Variants in EZH1 observed in about 807,000 individuals in gnomAD.
EZH1 encodes histone-lysine N-methyltransferase EZH1.
A neutral mutation model predicts 100.5 loss-of-function variants in EZH1; 33 were observed. That is an observed-to-expected ratio of 0.33 (90% CI 0.25 to 0.44). The LOEUF is 0.44. Among genes scored for constraint, EZH1 ranks in the 20% least tolerant of loss-of-function variants. The pLI is 1.00. For missense variants in EZH1, 475 were observed against 928.4 expected (o/e 0.51, Z 6.35); for synonymous variants, 272 against 313.8 (o/e 0.87, Z 1.41).
chr17:42,707,898 C>T, intron 15 of EZH1, 60 bp downstream of exon 15: 2 of 1,608,896 alleles, frequency 1.2e-6, no homozygotes, highest in South Asian at 1.1e-5. Flanking sequence ...ATGGGGCAAG[C>T]CTAGGGCACA....
Position 42,702,459 on chromosome 17 carries a change from G to C in EZH1, c.*73C>G. ...GTGGGAGACACAGTGCAGGAGACTCGAGCAGCAGTGGTGTGAGCACGAAAG... is the reference window on the plus strand; with the variant it reads ...GTGGGAGACACAGTGCAGGAGACTCCAGCAGCAGTGGTGTGAGCACGAAAG... On this transcript the variant is annotated 3_prime_UTR_variant, in exon 21 of 21. Transcript: ENST00000428826. 1.6e-6 allele frequency: 2 copies of C among 1,284,940 alleles called. No homozygotes were observed. The highest frequency in any genetic ancestry group is 2.1e-5 in the Admixed American group (1 of 48,518). The allele number at this position is 1,284,940 out of a possible 1,614,324, so 79.6% of individuals were successfully genotyped here.
intron 3 of EZH1, among the ~76,000 whole-genome samples, chr17:42,728,560 T>C (rs1304016094): frequency 6.6e-6 from 1 of 150,662 alleles, no homozygotes; most frequent in Non-Finnish European, 1.5e-5. Flanking sequence ...GCTAACATGG[T>C]GAAACCCCAT....
intron 6 of EZH1, among the ~76,000 whole-genome samples, 167 bp downstream of exon 6, chr17:42,722,625 CAAA>C (rs11298431): frequency 1.5e-4 from 16 of 104,102 alleles, no homozygotes; most frequent in Admixed American, 3.4e-4. Flanking sequence ...AACTCCGTCT[CAAA>C]AAAAAAAAAA....
chr17:42,722,655 C>G (rs1158018813), intron 6 of EZH1, 140 bp downstream of exon 6: 2 of 785,794 alleles, frequency 2.5e-6, no homozygotes, highest in Admixed American at 6.3e-5. Context: ...AATTAACTCC[C>G]AGCCATGTGA....
chr17:42,702,727 C>A, intron 20 of EZH1, 135 bp from the exon 21 acceptor site: 1 of 1,252,638 alleles, frequency 8.0e-7, no homozygotes, highest in Non-Finnish European at 1.2e-6. Context: ...TGAGGCAAGG[C>A]ACCAGATATC....
intron 17 of EZH1, 66 bp from the exon 18 acceptor site, chr17:42,704,749 C>CTTTCTGGGGGCAGGGTA: frequency 2.3e-6 from 3 of 1,312,048 alleles, no homozygotes; most frequent in Non-Finnish European, 3.2e-6. Flanking sequence ...GTACCCTGCC[C>CTTTCTGGGGGCAGGGTA]CCAGAAAGGG....
intron 1 of EZH1, among the ~76,000 whole-genome samples, chr17:42,743,440 G>A (rs2054215968): frequency 6.6e-6 from 1 of 151,410 alleles, no homozygotes; most frequent in Non-Finnish European, 1.5e-5. Context: ...CAAAGTGTTG[G>A]GATTACAGGC....
In EZH1 at chr17:42,720,466, C is replaced by T. The variant is rs2053683776; in HGVS notation, c.488-17G>A. 5 of 1,598,250 alleles carry T rather than the reference C, an allele frequency of 3.1e-6. No homozygotes were observed. Among genetic ancestry groups the T allele is most frequent in the South Asian group, 1.1e-5 (1 of 88,460 alleles). On this transcript the variant is annotated splice_polypyrimidine_tract_variant and intron_variant, in intron 6 of 20. Coordinates refer to ENST00000428826, the MANE Select transcript of EZH1 (RefSeq NM_001991.5). ...GGATCATCTCTGAAACATGAGGATT[C>T]GAAAGATGAGCAGTGGTCACTTCAC...
chr17:42,718,721 G>C lies in EZH1; in HGVS notation c.768-104C>G. On this transcript the variant is annotated intron_variant, in intron 8 of 20. Coordinates refer to ENST00000428826, the MANE Select transcript of EZH1 (RefSeq NM_001991.5). The surrounding 1 kb of genome is among the most constrained non-coding windows in gnomAD (Gnocchi z 4.2). ...GCTCACCTACGGTCTGCCAAGGGAG[G>C]ATGGGTGTTTTTTATAGGTCTGGTT... The C allele has an allele frequency of 8.2e-7, 1 of 1,219,686 alleles. No homozygotes were observed. The highest frequency in any genetic ancestry group is 1.4e-5 in the South Asian group (1 of 71,866). 75.6% of individuals were successfully genotyped at this position (1,219,686 alleles called of 1,614,324 possible). A position where few individuals can be genotyped will look rare whatever the true frequency, so the allele number is the denominator to read the frequency against.
chr17:42,734,273 C>CA (rs1441709181), intron 1 of EZH1, among the ~76,000 whole-genome samples: 1 of 152,034 alleles, frequency 6.6e-6, no homozygotes, highest in East Asian at 1.9e-4. Flanking sequence ...CTCCTGGCCT[C>CA]AAGTGATCTG....
At chr17:42,704,200 G>C (rs73983748) in intron 18 of EZH1, among the ~76,000 whole-genome samples, 4 of 152,056 alleles carry the variant, frequency 2.6e-5, no homozygotes, top group Non-Finnish European at 5.9e-5. Context: ...TGGAAGATTC[G>C]GAGCTGATCT....
At chr17:42,742,475 C>A (rs1201554612) in intron 1 of EZH1, among the ~76,000 whole-genome samples, 18 of 152,056 alleles carry the variant, frequency 1.2e-4, no homozygotes, top group Non-Finnish European at 4.4e-5. Flanking sequence ...CTAATGTAAC[C>A]ATCATAATGA....
At chr17:42,702,788 A>G (rs752068612) in intron 20 of EZH1, 89 bp downstream of exon 20, 4 of 1,435,604 alleles carry the variant, frequency 2.8e-6, no homozygotes, top group Non-Finnish European at 3.9e-6. Context: ...CTCCATCTCC[A>G]TTACCCTCCC....
chr17:42,714,989 A>C (rs111341427), intron 10 of EZH1, among the ~76,000 whole-genome samples: 287 of 138,552 alleles, frequency 2.1e-3, no homozygotes, highest in African/African-American at 7.2e-3. Flanking sequence ...AAATATATTT[A>C]TATATAATTT....
Position 42,724,612 on chromosome 17 carries a change from T to A in EZH1, c.247-188A>T, listed in dbSNP as rs2053781012. The A allele has an allele frequency of 7.9e-5, 40 of 504,924 alleles. 1 individual carries two copies. The South Asian group carries it at 8.1e-4, about 10-fold the overall frequency. The allele number at this position is 504,924 out of a possible 1,614,324, so 31.3% of individuals were successfully genotyped here. On this transcript the variant is annotated intron_variant, in intron 4 of 20. Transcript: ENST00000428826. ...GCCAGGCCAACATGGTGAAACCCCA[T>A]CTCTACAAAAACATAATACAAAAAT...
In EZH1 at chr17:42,730,867, G is replaced by A. The variant is rs189538266; in HGVS notation, c.-51C>T. 2.0e-5 allele frequency: 20 copies of A among 985,484 alleles called. No individual in the cohort carries two copies. Among genetic ancestry groups the A allele is most frequent in the South Asian group, 1.9e-4 (4 of 21,288 alleles). 61.0% of individuals were successfully genotyped at this position (985,484 alleles called of 1,614,324 possible). ...GGGGAAGTGTTGGGTTTTACAGTGT[G>A]CCTCTGTTCTTCAGGAGAATGGCAG... On this transcript the variant is annotated 5_prime_UTR_variant, in exon 2 of 21. Coordinates refer to ENST00000428826, the MANE Select transcript of EZH1 (RefSeq NM_001991.5).
At chr17:42,740,136 C>T (rs1036781105) in intron 1 of EZH1, among the ~76,000 whole-genome samples, 8 of 152,176 alleles carry the variant, frequency 5.3e-5, no homozygotes, top group African/African-American at 9.7e-5. Flanking sequence ...GCACTTCGAC[C>T]TCCCAGGCTC....
At chr17:42,733,438 G>A (rs2053995882) in intron 1 of EZH1, among the ~76,000 whole-genome samples, 1 of 151,630 alleles carries the variant, frequency 6.6e-6, no homozygotes, top group South Asian at 2.1e-4. Context: ...TCAGGAGATC[G>A]AGACCATCCT....
intron 1 of EZH1, among the ~76,000 whole-genome samples, chr17:42,732,416 T>A (rs1050783017): frequency 3.3e-5 from 5 of 151,976 alleles, no homozygotes; most frequent in Non-Finnish European, 5.9e-5. Context: ...GAGGATAGCC[T>A]GAGCTCAGGA....
Sources: allele counts gnomAD v4.1 joint callset (sites outside exome capture counted in the v4.1 genomes callset), GRCh38; gene constraint gnomAD v4.1.1; non-coding constraint Gnocchi (gnomAD v3.1); transcripts MANE v1.5; gene names NCBI Gene and HGNC (gene_info 2026-07-23, HGNC 2026-07-21).